The following DNAH14 variants were observed in gnomAD, a reference collection of about 807,000 sequenced individuals.
DNAH14 encodes axonemal beta dynein heavy chain 14.
In DNAH14, 478 loss-of-function variants were observed where a neutral mutation model predicts 520.9. That is an observed-to-expected ratio of 0.92 (90% CI 0.85 to 0.99). DNAH14 has a LOEUF of 0.99. Ranked by LOEUF, DNAH14 falls within the 50% of genes least tolerant of loss-of-function variation. The probability of loss-of-function intolerance (pLI) is 0.00; values close to 1 mark genes in which losing one functional copy is unlikely to be tolerated. For missense variants in DNAH14, 4,831 were observed against 5,234.5 expected (o/e 0.92, Z 2.38); for synonymous variants, 1,581 against 1,757.2 (o/e 0.90, Z 2.51).
At chr1:225,167,106 T>A (rs1364902433) in intron 35 of DNAH14, among the ~76,000 whole-genome samples, 3 of 152,198 alleles carry the variant, frequency 2.0e-5, no homozygotes, top group Admixed American at 2.0e-4. Flanking sequence ...CAATTCCACT[T>A]AAGAGAGCAA....
intron 10 of DNAH14, among the ~76,000 whole-genome samples, chr1:225,009,515 A>G (rs1013863762): frequency 3.3e-5 from 5 of 151,956 alleles, no homozygotes; most frequent in Non-Finnish European, 7.4e-5. Flanking sequence ...CAGCCTTGTA[A>G]TATAGTTTGA....
chr1:225,160,819 C>T (rs550449386), intron 35 of DNAH14, among the ~76,000 whole-genome samples: 4 of 151,972 alleles, frequency 2.6e-5, no homozygotes, highest in Non-Finnish European at 5.9e-5. Flanking sequence ...AAAAACTAGC[C>T]TTCTTTCTGT....
intron 61 of DNAH14, 52 bp from the exon 62 acceptor site, chr1:225,322,612 T>TG: frequency 7.0e-7 from 1 of 1,420,486 alleles, no homozygotes; most frequent in Non-Finnish European, 9.4e-7. Context: ...ATTTACAGGG[T>TG]GCATTTCATT....
chr1:224,953,241 G>T (rs1414615994), intron 2 of DNAH14, among the ~76,000 whole-genome samples: 1 of 151,430 alleles, frequency 6.6e-6, no homozygotes, highest in Non-Finnish European at 1.5e-5. Context: ...TCCAACCTCA[G>T]CCCCCCGAGT....
intron 17 of DNAH14, among the ~76,000 whole-genome samples, chr1:225,076,252 G>T (rs2072263101): frequency 6.6e-6 from 1 of 152,194 alleles, no homozygotes; most frequent in Non-Finnish European, 1.5e-5. Context: ...GGACTGTGGG[G>T]TATAGTCTGG....
chr1:225,323,107 G>A (rs2094585777), intron 62 of DNAH14, among the ~76,000 whole-genome samples: 1 of 152,116 alleles, frequency 6.6e-6, no homozygotes, highest in South Asian at 2.1e-4. Flanking sequence ...TGGACCTGTG[G>A]GCATGTGACA....
At chr1:225,061,417 C>G (rs911402775) in intron 17 of DNAH14, among the ~76,000 whole-genome samples, 1 of 152,218 alleles carries the variant, frequency 6.6e-6, no homozygotes, top group African/African-American at 2.4e-5. Context: ...TGTGTCACCC[C>G]TTTCTTTGAC....
chr1:225,318,568 A>G lies in DNAH14; in HGVS notation c.9241-15A>G. The G allele has an allele frequency of 2.6e-6, 4 of 1,538,868 alleles. No homozygotes were observed. Among genetic ancestry groups the G allele is most frequent in the Non-Finnish European group, 2.6e-6 (3 of 1,142,640 alleles). ...TTGATTCATATGTGTTTGGGGACCTATATTTTTATTGCAGAAAACTGCCAA... is the reference window on the plus strand; with the variant it reads ...TTGATTCATATGTGTTTGGGGACCTGTATTTTTATTGCAGAAAACTGCCAA... On this transcript the variant is annotated splice_polypyrimidine_tract_variant and intron_variant, in intron 60 of 85. Transcript: ENST00000682510.
chr1:225,145,210 C>A, intron 29 of DNAH14, 116 bp from the exon 30 acceptor site: 1 of 694,412 alleles, frequency 1.4e-6, no homozygotes, highest in Middle Eastern at 3.5e-4. Flanking sequence ...TTTAATTCAT[C>A]TCCATATTGC....
chr1:225,214,391 C>A (rs12062189), intron 41 of DNAH14, among the ~76,000 whole-genome samples: 1 of 151,952 alleles, frequency 6.6e-6, no homozygotes, highest in African/African-American at 2.4e-5. Flanking sequence ...TGTCTCTGCC[C>A]AGCTTTGGTA....
At chr1:224,970,530 T>C (rs2061443227) in intron 7 of DNAH14, among the ~76,000 whole-genome samples, 2 of 152,166 alleles carry the variant, frequency 1.3e-5, no homozygotes, top group South Asian at 4.1e-4. Context: ...CTTGCTGGTT[T>C]TACCGCTCGG....
rs144228686 is a variant in DNAH14, at chr1:225,198,322, A to T, written c.5886+5411A>T. ...AAGCTCTGCATTCTGGGTTCACACC[A>T]TTCTCCTGCCTCAGCCTCCCAAGTA... On this transcript the variant is annotated intron_variant, in intron 38 of 85. Transcript: ENST00000682510. 7.1e-3 allele frequency among the ~76,000 whole-genome samples: 1,075 copies of T among 151,660 alleles called. 17 individuals are homozygous for T. The highest frequency in any genetic ancestry group is 0.024 in the African/African-American group (1,006 of 41,338).
intron 10 of DNAH14, among the ~76,000 whole-genome samples, chr1:225,016,321 G>A (rs1381785136): frequency 1.3e-5 from 2 of 152,210 alleles, no homozygotes; most frequent in Admixed American, 1.3e-4. Flanking sequence ...TTTCTCTGCT[G>A]GGAATAATAT....
intron 42 of DNAH14, among the ~76,000 whole-genome samples, chr1:225,240,102 G>A (rs1188157383): frequency 2.0e-5 from 3 of 152,008 alleles, no homozygotes; most frequent in African/African-American, 7.2e-5. Flanking sequence ...GACAAATACA[G>A]GGTGAATGAC....
At chr1:225,038,964 G>A (rs899441292) in intron 12 of DNAH14, 141 bp downstream of exon 12, 2 of 668,612 alleles carry the variant, frequency 3.0e-6, no homozygotes, top group African/African-American at 1.9e-5. Context: ...ACACTTAGCT[G>A]CTCCCACTGT....
chr1:225,002,613 T>G (rs2063849268), intron 8 of DNAH14, among the ~76,000 whole-genome samples, 170 bp from the exon 9 acceptor site: 1 of 152,098 alleles, frequency 6.6e-6, no homozygotes, highest in Admixed American at 6.6e-5. Context: ...GCCTACAACA[T>G]TATCATCCAA....
chr1:225,280,791 A>G (rs1459560036), intron 54 of DNAH14, among the ~76,000 whole-genome samples: 2 of 152,194 alleles, frequency 1.3e-5, no homozygotes, highest in African/African-American at 4.8e-5. Context: ...TAAGATTTAC[A>G]GCTGACTTCT....
At position 225,180,371 on chromosome 1, in the gene DNAH14, G is replaced by A. The variant is rs2149285911; in HGVS notation, c.5536-4920G>A. 2.0e-5 allele frequency among the ~76,000 whole-genome samples: 3 copies of A among 152,180 alleles called. No homozygotes were observed. The South Asian group carries it at 6.2e-4, about 32-fold the overall frequency. ...TGTGTTGCTATAAAGAAATATCTGAGGCTGAGTAAATTATAAAGAAAAGAG... is the reference window on the plus strand; with the variant it reads ...TGTGTTGCTATAAAGAAATATCTGAAGCTGAGTAAATTATAAAGAAAAGAG... On this transcript the variant is annotated intron_variant, in intron 36 of 85. Coordinates refer to ENST00000682510, the MANE Select transcript of DNAH14 (RefSeq NM_001367479.1).
At chr1:225,301,581 G>T (rs1320385414) in intron 56 of DNAH14, among the ~76,000 whole-genome samples, 1 of 152,182 alleles carries the variant, frequency 6.6e-6, no homozygotes, top group Non-Finnish European at 1.5e-5. Context: ...TCAACTTTCT[G>T]TGTCTTTGAG....
Sources: allele counts gnomAD v4.1 joint callset (sites outside exome capture counted in the v4.1 genomes callset), GRCh38; gene constraint gnomAD v4.1.1; transcripts MANE v1.5; gene names NCBI Gene and HGNC (gene_info 2026-07-23, HGNC 2026-07-21).